MGA: variants seen among roughly 807,000 people sequenced by gnomAD.
The protein encoded by MGA is MAX dimerization protein MGA.
In MGA, 40 loss-of-function variants were observed where a neutral mutation model predicts 261.1. The observed-to-expected ratio is 0.15, with a 90% confidence interval of 0.12 to 0.20. The LOEUF is 0.20. Among genes scored for constraint, MGA ranks in the 10% least tolerant of loss-of-function variants. MGA has a pLI of 1.00. For synonymous variants in MGA, 1,302 were observed against 1,290.6 expected (o/e 1.01, Z -0.19); for missense variants, 3,397 against 3,630.5 (o/e 0.94, Z 1.65).
At chr15:41,622,220 G>A (rs1306855780) in intron 1 of MGA, among the ~76,000 whole-genome samples, 3 of 152,198 alleles carry the variant, frequency 2.0e-5, no homozygotes, top group African/African-American at 4.8e-5. Context: ...GGAGGCCTGG[G>A]GTCCAGGCCT....
chr15:41,642,770 G>T (rs997167433), intron 1 of MGA, among the ~76,000 whole-genome samples: 1 of 151,964 alleles, frequency 6.6e-6, no homozygotes, highest in Admixed American at 6.6e-5. Context: ...CACTGTACCC[G>T]GCCATTTTTT....
chr15:41,700,586 T>A (rs1345311816), intron 5 of MGA, among the ~76,000 whole-genome samples: 1 of 152,226 alleles, frequency 6.6e-6, no homozygotes, highest in Admixed American at 6.5e-5. Context: ...CATTCTTTTT[T>A]ATGGCTGCAG....
chr15:41,720,982 C>T (rs75301589), intron 9 of MGA, among the ~76,000 whole-genome samples: 2,096 of 152,188 alleles, frequency 0.014, 56 homozygotes, highest in African/African-American at 0.048. Context: ...AAACTTTATT[C>T]GTTTCTCACA....
At chr15:41,695,996 CTT>C (rs74824973) in intron 2 of MGA, 77 bp from the exon 3 acceptor site, 2,956 of 852,808 alleles carry the variant, frequency 3.5e-3, no homozygotes, top group South Asian at 6.0e-3. Context: ...TTCCTAACAT[CTT>C]TTTTTTTTTT....
chr15:41,720,878 T>C (rs1373876938), intron 9 of MGA, among the ~76,000 whole-genome samples: 1 of 152,008 alleles, frequency 6.6e-6, no homozygotes, highest in African/African-American at 2.4e-5. Flanking sequence ...ATAAATGGAC[T>C]CTTGATTTGA....
At chr15:41,668,791 GT>G in intron 1 of MGA, 36 bp from the exon 2 acceptor site, 1 of 798,650 alleles carries the variant, frequency 1.3e-6, no homozygotes, top group Non-Finnish European at 1.9e-6. Flanking sequence ...ATTAAAGGGT[GT>G]TTTTTGTTTT....
chr15:41,644,493 TA>T (rs1263398891), intron 1 of MGA, among the ~76,000 whole-genome samples: 1 of 151,574 alleles, frequency 6.6e-6, no homozygotes, highest in South Asian at 2.1e-4. Flanking sequence ...CTGTCTCTAC[TA>T]AAAATACTAA....
intron 2 of MGA, among the ~76,000 whole-genome samples, chr15:41,671,035 C>T (rs915102967): frequency 3.3e-5 from 5 of 152,156 alleles, no homozygotes; most frequent in African/African-American, 1.2e-4. Context: ...GGTTCTGCAT[C>T]CACAGTTATA....
At chr15:41,754,362 G>A (rs973267083) in intron 17 of MGA, 75 bp from the exon 18 acceptor site, 1 of 1,393,300 alleles carries the variant, frequency 7.2e-7, no homozygotes, top group Non-Finnish European at 9.5e-7. Flanking sequence ...GTTTTATAAG[G>A]GGAACAAACA....
chr15:41,718,719 T>G (rs889812404), intron 9 of MGA: 1 of 198,268 alleles, frequency 5.0e-6, no homozygotes, highest in Non-Finnish European at 1.0e-5. Flanking sequence ...ACAAAATTCA[T>G]TTCTGGTAAA....
intron 2 of MGA, among the ~76,000 whole-genome samples, chr15:41,683,691 A>G (rs921945654): frequency 6.6e-6 from 1 of 150,554 alleles, no homozygotes; most frequent in Non-Finnish European, 1.5e-5. Context: ...TGATCATCCC[A>G]CATCAGCCCC....
chr15:41,701,543 T>G (rs2059854220), intron 5 of MGA, among the ~76,000 whole-genome samples: 1 of 152,160 alleles, frequency 6.6e-6, no homozygotes, highest in South Asian at 2.1e-4. Context: ...TATAGTGAAA[T>G]TAGCCTGAAT....
In MGA at chr15:41,750,567, G is replaced by T. The variant is rs771996612; in HGVS notation, c.6960G>T (p.Val2320=). The change falls in exon 17 of 24, where the codon GTG becomes GTT. Residue 2320 remains valine, a synonymous_variant. Transcript: ENST00000219905. ...CTGATGATTCTATTGATGAAATTGT[G>T]GATGTTGTTTCTGACTACCAGAGTG... 1 of 1,611,512 alleles carries T rather than the reference G, an allele frequency of 6.2e-7. No homozygotes were observed. The highest frequency in any genetic ancestry group is 1.1e-5 in the South Asian group (1 of 90,552).
At chr15:41,681,210 C>T (rs1325597848) in intron 2 of MGA, among the ~76,000 whole-genome samples, 2 of 152,058 alleles carry the variant, frequency 1.3e-5, no homozygotes, top group African/African-American at 4.8e-5. Context: ...TTTTCACCCC[C>T]TAGTTTTCTT....
upstream of MGA, among the ~76,000 whole-genome samples, chr15:41,656,344 T>TCTCTCTCTCTCTCTCTCTCTCTCTC (rs149903830): frequency 1.7e-4 from 10 of 60,018 alleles, 1 homozygote; most frequent in South Asian, 1.3e-3. Context: ...CTCTCCTCTC[T>TCTCTCTCTCTCTCTCTCTCTCTCTC]TCTCTCTCTC....
rs1435269519 is a variant in MGA at position 41,713,487 on chromosome 15, C to G, written c.3421C>G (p.Leu1141Val). The change falls in exon 9 of 24, where the codon CTA (leucine) becomes GTA (valine). Residue 1141 changes from leucine (L) to valine (V), a missense_variant. Leu to Val is a conservative substitution (Grantham distance 32, BLOSUM62 1). Transcript: ENST00000219905. ...GAAAGAGAAAAAGAAGAGAAAGAAG[C>G]TAGAATACAGTGAGTATTAATTGAG... 3.2e-6 allele frequency: 5 copies of G among 1,543,786 alleles called. No homozygotes were observed. The highest frequency in any genetic ancestry group is 3.5e-6 in the Non-Finnish European group (4 of 1,145,920).
At position 41,748,650 on chromosome 15, in the gene MGA, A is replaced by C; in HGVS notation, c.5226A>C (p.Gln1742His). The C allele has an allele frequency of 6.2e-7, 1 of 1,609,376 alleles. No homozygotes were observed. The highest frequency in any genetic ancestry group is 8.5e-7 in the Non-Finnish European group (1 of 1,176,480). Residue 1742 changes from glutamine (Q) to histidine (H), a missense_variant, in exon 16 of 24, where the codon CAA (glutamine) becomes CAC (histidine). Physicochemically the swap from Gln to His is conservative, Grantham distance 24. Coordinates refer to ENST00000219905, the MANE Select transcript of MGA (RefSeq NM_001164273.2). The stretch of plus-strand genomic sequence containing the variant: ...CCTGTTTTTCAGAAAATGCTGCTCA[A>C]ATTCCAGTGGCTACTCCACAGGTCT...
At chr15:41,750,812 A>G (rs1021934992) in intron 17 of MGA, 197 bp downstream of exon 17, 3 of 507,896 alleles carry the variant, frequency 5.9e-6, no homozygotes, top group Non-Finnish European at 1.0e-5. Context: ...ATTCTTTGAG[A>G]CTTGTCTGGT....
intron 2 of MGA, among the ~76,000 whole-genome samples, chr15:41,686,535 A>G (rs1289654658): frequency 6.6e-6 from 1 of 152,208 alleles, no homozygotes; most frequent in South Asian, 2.1e-4. Flanking sequence ...CTTAAAAAAA[A>G]AATTTTTTTT....
Sources: allele counts gnomAD v4.1 joint callset (sites outside exome capture counted in the v4.1 genomes callset), GRCh38; gene constraint gnomAD v4.1.1; transcripts MANE v1.5; gene names NCBI Gene and HGNC (gene_info 2026-07-23, HGNC 2026-07-21).